The following ZNF362 variants were observed in gnomAD, a reference collection of about 807,000 sequenced individuals.
The protein encoded by ZNF362 is zinc finger protein 362.
In ZNF362, 11 loss-of-function variants were observed where a neutral mutation model predicts 42.9. That is an observed-to-expected ratio of 0.26 (90% confidence interval 0.16 to 0.42). The LOEUF is 0.42. Ranked by LOEUF, ZNF362 falls within the 20% of genes least tolerant of loss-of-function variation. The pLI is 1.00. For missense variants in ZNF362, 362 were observed against 576.2 expected (o/e 0.63, Z 3.81); for synonymous variants, 255 against 257.3 (o/e 0.99, Z 0.09).
At chr1:33,236,193 C>T in the ZNF362 span, among the ~76,000 whole-genome samples, 2 of 151,954 alleles carry the variant, frequency 1.3e-5, no homozygotes, top group Admixed American at 1.3e-4. Context: ...CTGCAGCCCA[C>T]CTTGAGAAAC....
chr1:33,130,947 C>T, the ZNF362 span, among the ~76,000 whole-genome samples: 2 of 152,220 alleles, frequency 1.3e-5, no homozygotes, highest in South Asian at 2.1e-4. Context: ...AGGGATAAGG[C>T]AGAGGAGAGA....
chr1:33,170,220 C>T, the ZNF362 span, among the ~76,000 whole-genome samples: 1 of 152,068 alleles, frequency 6.6e-6, no homozygotes, highest in Middle Eastern at 3.4e-3. Flanking sequence ...ATTCCAGCTA[C>T]TTGGGAGGCT....
At chr1:33,173,409 G>A in the ZNF362 span, among the ~76,000 whole-genome samples, 1 of 152,186 alleles carries the variant, frequency 6.6e-6, no homozygotes, top group Non-Finnish European at 1.5e-5. Context: ...GTGTGTGTGA[G>A]CTTGTGTGCG....
upstream of ZNF362, among the ~76,000 whole-genome samples, chr1:33,252,639 G>C (rs1406303406): frequency 5.9e-5 from 9 of 152,186 alleles, no homozygotes; most frequent in African/African-American, 1.9e-4. Context: ...CAGAGCTGGG[G>C]TCTTCCTCAC....
At chr1:33,136,904 G>A in the ZNF362 span, among the ~76,000 whole-genome samples, 1 of 151,804 alleles carries the variant, frequency 6.6e-6, no homozygotes, top group African/African-American at 2.4e-5. Context: ...GGCTGAGACA[G>A]GATAATTGCT....
chr1:33,165,496 A>C, the ZNF362 span: 1 of 1,608,308 alleles, frequency 6.2e-7, no homozygotes, highest in African/African-American at 1.3e-5. The surrounding 1 kb of genome is among the most constrained non-coding windows in gnomAD (Gnocchi z 4.0). Flanking sequence ...TTGTCGCTTG[A>C]GCAGCTGCAG....
At chr1:33,251,218 T>G in the ZNF362 span, among the ~76,000 whole-genome samples, 1 of 152,192 alleles carries the variant, frequency 6.6e-6, no homozygotes, top group African/African-American at 2.4e-5. Flanking sequence ...GTGAACATGC[T>G]GGGGATACAA....
At chr1:33,158,436 C>A in the ZNF362 span, 2 of 1,263,842 alleles carry the variant, frequency 1.6e-6, no homozygotes. Context: ...AGGGGCCCCG[C>A]AGCCACCTTC....
chr1:33,206,983 G>T, the ZNF362 span, among the ~76,000 whole-genome samples: 1 of 152,148 alleles, frequency 6.6e-6, no homozygotes, highest in East Asian at 1.9e-4. Context: ...TAAGTTCTAG[G>T]GTACATGTGT....
chr1:33,181,066 G>A, the ZNF362 span: 1 of 1,599,460 alleles, frequency 6.3e-7, no homozygotes, highest in Non-Finnish European at 8.5e-7. The surrounding 1 kb of genome is among the most constrained non-coding windows in gnomAD (Gnocchi z 6.5). Context: ...GTGACCTGAT[G>A]CTGCTCGTGC....
chr1:33,280,290 C>T lies in ZNF362; in HGVS notation c.516C>T (p.Leu172=), dbSNP rs201989290. The T allele has an allele frequency of 8.1e-6, 13 of 1,614,112 alleles. No individual in the cohort carries two copies. The Admixed American group carries it at 8.3e-5, about 10-fold the overall frequency. ...TLISGITSPP[L]LDSIKTIQGH... is the part of the protein sequence containing the mutation. ...TCTCAGGGATCACCAGCCCCCCTCT[C>T]CTGGACTCCATCAAGACAATCCAGG... The change falls in exon 5 of 9, where the codon CTC becomes CTT. Residue 172 remains leucine, a synonymous_variant. Transcript: ENST00000539719. The surrounding 1 kb of genome is among the most constrained non-coding windows in gnomAD (Gnocchi z 5.6).
the ZNF362 span, among the ~76,000 whole-genome samples, chr1:33,248,658 G>A: frequency 1.9e-4 from 29 of 152,144 alleles, no homozygotes; most frequent in African/African-American, 6.0e-4. Context: ...TTCTCCTCCC[G>A]GCACACCTTT....
intron 6 of ZNF362, among the ~76,000 whole-genome samples, chr1:33,291,456 T>C (rs1646077506): frequency 6.6e-6 from 1 of 152,260 alleles, no homozygotes; most frequent in Non-Finnish European, 1.5e-5. Context: ...CATGCTGTTT[T>C]GGTTACTGTA....
At chr1:33,136,916 G>A in the ZNF362 span, among the ~76,000 whole-genome samples, 1 of 151,532 alleles carries the variant, frequency 6.6e-6, no homozygotes, top group Non-Finnish European at 1.5e-5. Flanking sequence ...ATAATTGCTT[G>A]AACCCAGGAG....
At chr1:33,260,199 G>A (rs192392457) in intron 1 of ZNF362, among the ~76,000 whole-genome samples, 7 of 152,328 alleles carry the variant, frequency 4.6e-5, no homozygotes, top group South Asian at 2.1e-4. Flanking sequence ...TTCCCCTGCT[G>A]AAACTTTTCT....
the ZNF362 span, among the ~76,000 whole-genome samples, chr1:33,212,770 A>T: frequency 2.5e-4 from 38 of 152,318 alleles, no homozygotes; most frequent in African/African-American, 8.4e-4. Context: ...CTCCCCCATG[A>T]TCCAAACATC....
the ZNF362 span, among the ~76,000 whole-genome samples, chr1:33,169,871 A>C: frequency 6.6e-6 from 1 of 152,208 alleles, no homozygotes; most frequent in African/African-American, 2.4e-5. Flanking sequence ...AGACACACTG[A>C]GCAGCTCGCA....
At chr1:33,159,867 C>T in the ZNF362 span, 1 of 1,612,824 alleles carries the variant, frequency 6.2e-7, no homozygotes, top group Non-Finnish European at 8.5e-7. The surrounding 1 kb of genome is among the most constrained non-coding windows in gnomAD (Gnocchi z 4.2). Context: ...CTAGCATGGC[C>T]TTCTGGCGTT....
At chr1:33,205,490 A>T in the ZNF362 span, among the ~76,000 whole-genome samples, 1 of 152,210 alleles carries the variant, frequency 6.6e-6, no homozygotes, top group African/African-American at 2.4e-5. Flanking sequence ...ATCTCAAAAA[A>T]GAAAAAAATG....
Sources: allele counts gnomAD v4.1 joint callset (sites outside exome capture counted in the v4.1 genomes callset), GRCh38; gene constraint gnomAD v4.1.1; non-coding constraint Gnocchi (gnomAD v3.1); transcripts MANE v1.5; gene names NCBI Gene and HGNC (gene_info 2026-07-23, HGNC 2026-07-21).